ARL8B: variants seen among roughly 807,000 people sequenced by gnomAD.
ARL8B encodes ARF like GTPase 8B, also known as ADP-ribosylation factor-like protein 8B.
In ARL8B, 9 loss-of-function variants were observed where a neutral mutation model predicts 30.6. The observed-to-expected ratio is 0.29, with a 90% CI of 0.18 to 0.51. The LOEUF is 0.51. Among genes scored for constraint, ARL8B ranks in the 20% least tolerant of loss-of-function variants. ARL8B has a pLI of 0.97. For missense variants in ARL8B, 130 were observed against 227.2 expected, an observed-to-expected ratio of 0.57 and a Z score of 2.75; for synonymous variants, 74 against 76.0, an observed-to-expected ratio of 0.97 and a Z score of 0.14.
intron 1 of ARL8B, among the ~76,000 whole-genome samples, chr3:5,123,126 C>A (rs1454721114): frequency 6.6e-6 from 1 of 152,172 alleles, no homozygotes; most frequent in Non-Finnish European, 1.5e-5. Context: ...CCATCTAATT[C>A]AGTTACTTGT....
chr3:5,173,420 G>C (rs750864520), intron 4 of ARL8B, among the ~76,000 whole-genome samples: 19 of 152,206 alleles, frequency 1.2e-4, no homozygotes, highest in Non-Finnish European at 1.9e-4. Flanking sequence ...TTTTGGATAA[G>C]GGATAGTAAA....
intron 1 of ARL8B, among the ~76,000 whole-genome samples, chr3:5,161,424 G>A (rs2054579335): frequency 6.6e-6 from 1 of 152,102 alleles, no homozygotes. Context: ...ATGTTTGAGT[G>A]GTTTGCAAAA....
intron 1 of ARL8B, among the ~76,000 whole-genome samples, 165 bp downstream of exon 1, chr3:5,122,753 C>T (rs559292939): frequency 2.0e-5 from 3 of 152,312 alleles, no homozygotes; most frequent in Admixed American, 1.3e-4. Flanking sequence ...TGGAATTTCC[C>T]GCGTGTTGGC....
intron 1 of ARL8B, among the ~76,000 whole-genome samples, chr3:5,136,571 GTCTAC>G (rs2054327396): frequency 2.0e-5 from 3 of 152,266 alleles, no homozygotes; most frequent in African/African-American, 7.2e-5. Context: ...AGTGTTTTAA[GTCTAC>G]TCTACTAGCT....
intron 1 of ARL8B, among the ~76,000 whole-genome samples, chr3:5,129,473 G>A (rs183675011): frequency 1.5e-4 from 23 of 151,482 alleles, no homozygotes; most frequent in East Asian, 1.9e-4. Flanking sequence ...ATACTGCTCT[G>A]TTTGTGTTTA....
intron 1 of ARL8B, among the ~76,000 whole-genome samples, chr3:5,139,316 C>T (rs6780358): frequency 1.3e-5 from 2 of 152,056 alleles, no homozygotes; most frequent in South Asian, 4.1e-4. Context: ...CATTTTCTTG[C>T]CTCTACTATG....
At chr3:5,136,199 G>A (rs1045352626) in intron 1 of ARL8B, among the ~76,000 whole-genome samples, 12 of 152,046 alleles carry the variant, frequency 7.9e-5, no homozygotes, top group Admixed American at 6.6e-5. Flanking sequence ...CTGCCTCCTG[G>A]GTTCAAGTGA....
intron 1 of ARL8B, among the ~76,000 whole-genome samples, chr3:5,161,656 G>C (rs1258525939): frequency 6.6e-6 from 1 of 152,170 alleles, no homozygotes; most frequent in South Asian, 2.1e-4. Flanking sequence ...AGAGGGTTTA[G>C]AGTTCTCTGT....
chr3:5,171,607 C>T (rs1404470113), intron 2 of ARL8B, among the ~76,000 whole-genome samples: 1 of 152,184 alleles, frequency 6.6e-6, no homozygotes, highest in Non-Finnish European at 1.5e-5. Flanking sequence ...CTCGGCCTCC[C>T]AAAGTGCTGG....
At chr3:5,125,834 A>G (rs967368293) in intron 1 of ARL8B, among the ~76,000 whole-genome samples, 14 of 152,164 alleles carry the variant, frequency 9.2e-5, no homozygotes, top group African/African-American at 3.1e-4. Context: ...TGCCCAGCCC[A>G]CTGTTATCAT....
intron 1 of ARL8B, among the ~76,000 whole-genome samples, chr3:5,164,166 C>T (rs545816220): frequency 1.3e-5 from 2 of 152,188 alleles, no homozygotes; most frequent in South Asian, 4.1e-4. Context: ...GGAAAAAATC[C>T]ATGTGTAAGT....
Position 5,172,632 on chromosome 3 carries a change from C to G in ARL8B, c.279-15C>G, listed in dbSNP as rs1020525397. The G allele has an allele frequency of 1.9e-6, 3 of 1,585,268 alleles. No homozygotes were observed. The highest frequency in any genetic ancestry group is 2.7e-5 in the African/African-American group (2 of 74,272). On this transcript the variant is annotated splice_polypyrimidine_tract_variant and intron_variant, in intron 3 of 6. Coordinates refer to ENST00000256496, the MANE Select transcript of ARL8B (RefSeq NM_018184.3). ...ATACAGAGAAGGTATGTTGAGATCA[C>G]TTCATTTTTTTAAGTTACATGATAG...
intron 1 of ARL8B, among the ~76,000 whole-genome samples, chr3:5,159,602 C>CAAAAAAA (rs71053495): frequency 6.5e-5 from 5 of 77,044 alleles, no homozygotes; most frequent in East Asian, 3.9e-4. Flanking sequence ...AACTCCGTCT[C>CAAAAAAA]AAAAAAAAAA....
chr3:5,134,432 C>T (rs1160030265), intron 1 of ARL8B, among the ~76,000 whole-genome samples: 3 of 152,134 alleles, frequency 2.0e-5, no homozygotes, highest in Admixed American at 6.5e-5. Flanking sequence ...CCTTTGCTGT[C>T]GAATTCGAAG....
At chr3:5,144,157 C>G (rs1420132793) in intron 1 of ARL8B, among the ~76,000 whole-genome samples, 2 of 152,162 alleles carry the variant, frequency 1.3e-5, no homozygotes, top group African/African-American at 4.8e-5. Flanking sequence ...ATATTTTCCA[C>G]CAGGCCAAAT....
chr3:5,122,960 A>C (rs1455459398), intron 1 of ARL8B, among the ~76,000 whole-genome samples: 1 of 152,178 alleles, frequency 6.6e-6, no homozygotes, highest in Non-Finnish European at 1.5e-5. Context: ...CCAGTCTGTC[A>C]CTTTCCCAAA....
Position 5,174,053 on chromosome 3 carries a change from G to A in ARL8B, c.409G>A (p.Ala137Thr), listed in dbSNP as rs1179853833. Residue 137 changes from alanine to threonine, a missense_variant, in exon 5 of 7, where the codon GCC becomes ACC. Coordinates refer to ENST00000256496, the MANE Select transcript of ARL8B (RefSeq NM_018184.3). Reference sequence around the variant, plus strand: ...TGGAAACAAGAGAGATCTTCCTAATGCCTTGGATGAGAAACAGCTAATTGA... The same window carrying A: ...TGGAAACAAGAGAGATCTTCCTAATACCTTGGATGAGAAACAGCTAATTGA... The part of the protein sequence containing the change: ...VLGNKRDLPN[A>T]LDEKQLIEKM... 6.2e-7 allele frequency: 1 copy of A among 1,612,704 alleles called. No homozygotes were observed. Among genetic ancestry groups the A allele is most frequent in the Non-Finnish European group, 8.5e-7 (1 of 1,179,112 alleles).
chr3:5,150,893 TAG>T (rs1288392216), intron 1 of ARL8B, among the ~76,000 whole-genome samples: 1 of 152,244 alleles, frequency 6.6e-6, no homozygotes, highest in Admixed American at 6.5e-5. Flanking sequence ...ATTTCTTCAG[TAG>T]AGAGAGGGCC....
chr3:5,172,511 CT>C, intron 3 of ARL8B, 135 bp from the exon 4 acceptor site: 1 of 683,160 alleles, frequency 1.5e-6, no homozygotes. Flanking sequence ...GGTGCTGAGC[CT>C]TTTCTTATGA....
Sources: allele counts gnomAD v4.1 joint callset (sites outside exome capture counted in the v4.1 genomes callset), GRCh38; gene constraint gnomAD v4.1.1; transcripts MANE v1.5; gene names NCBI Gene and HGNC (gene_info 2026-07-23, HGNC 2026-07-21).